The following ZNF730 variants were observed in gnomAD, a reference collection of about 807,000 sequenced individuals.
ZNF730 encodes putative zinc finger protein 730.
Under a neutral mutation model 12.6 loss-of-function variants are expected in ZNF730, and 12 were observed. The ratio of observed to expected loss-of-function variants is 0.95; its 90% CI spans 0.61 to 1.54. The LOEUF is 1.54. ZNF730 is among the 40% of genes most tolerant of loss of function. The probability of loss-of-function intolerance (pLI) is 0.00; values close to 1 mark genes in which losing one functional copy is unlikely to be tolerated. For missense variants in ZNF730, 643 were observed against 583.5 expected (o/e 1.10, Z -1.05); for synonymous variants, 194 against 195.8 (o/e 0.99, Z 0.08).
chr19:23,102,015 ATAT>A (rs1970341046), intron 1 of ZNF730, among the ~76,000 whole-genome samples: 1 of 152,238 alleles, frequency 6.6e-6, no homozygotes, highest in Admixed American at 6.5e-5. Flanking sequence ...ATGTTAGGAC[ATAT>A]TATGAGGCCC....
chr19:23,092,511 C>T (rs1343906681), intron 1 of ZNF730, among the ~76,000 whole-genome samples: 1 of 152,118 alleles, frequency 6.6e-6, no homozygotes, highest in Non-Finnish European at 1.5e-5. Context: ...ATCACTTGAA[C>T]CCAGGAGGCA....
intron 1 of ZNF730, among the ~76,000 whole-genome samples, chr19:23,111,341 A>T (rs925228886): frequency 1.2e-4 from 19 of 152,308 alleles, no homozygotes; most frequent in African/African-American, 4.3e-4. Context: ...AAGTTTTCTC[A>T]TGCAAGAGGG....
At chr19:23,101,528 G>A (rs1349721500) in intron 1 of ZNF730, among the ~76,000 whole-genome samples, 3 of 152,200 alleles carry the variant, frequency 2.0e-5, no homozygotes, top group Non-Finnish European at 4.4e-5. Flanking sequence ...CTGCAGGTGT[G>A]ATTGTATGCA....
chr19:23,118,378 T>TTG (rs1970559611), intron 1 of ZNF730, among the ~76,000 whole-genome samples: 1 of 151,750 alleles, frequency 6.6e-6, no homozygotes, highest in South Asian at 2.1e-4. Flanking sequence ...TTTTTTTTTT[T>TTG]GTTTTTTTAA....
intron 3 of ZNF730, chr19:23,144,035 C>A (rs1001721523): frequency 3.3e-5 from 5 of 151,240 alleles, no homozygotes; most frequent in African/African-American, 1.2e-4. Flanking sequence ...TTAATTTTTT[C>A]AATATTTTTG....
chr19:23,081,987 T>C (rs1969973724), intron 1 of ZNF730, among the ~76,000 whole-genome samples: 1 of 152,176 alleles, frequency 6.6e-6, no homozygotes, highest in Admixed American at 6.5e-5. Context: ...TTCAAGTAAT[T>C]CTCTTGTCTC....
At chr19:23,133,769 T>C (rs1319125519) in intron 1 of ZNF730, among the ~76,000 whole-genome samples, 1 of 152,262 alleles carries the variant, frequency 6.6e-6, no homozygotes, top group Non-Finnish European at 1.5e-5. Context: ...CTGAAAAGTT[T>C]ACACAACTCT....
intron 1 of ZNF730, among the ~76,000 whole-genome samples, chr19:23,090,029 C>T (rs549042455): frequency 1.3e-5 from 2 of 152,188 alleles, no homozygotes; most frequent in East Asian, 1.9e-4. Context: ...GGGCAGACCA[C>T]GAGGTCAAGA....
chr19:23,096,674 T>C (rs1022211001), intron 1 of ZNF730, among the ~76,000 whole-genome samples: 1 of 152,192 alleles, frequency 6.6e-6, no homozygotes, highest in African/African-American at 2.4e-5. Flanking sequence ...ATTTAGGTGA[T>C]GTGACCCTTT....
chr19:23,117,008 T>C, upstream of ZNF730: 4 of 1,104,676 alleles, frequency 3.6e-6, no homozygotes, highest in South Asian at 6.6e-5. Context: ...ACAGGGCGGC[T>C]TCCGGGATTT....
At chr19:23,093,011 A>G (rs992752249) in intron 1 of ZNF730, among the ~76,000 whole-genome samples, 2 of 151,796 alleles carry the variant, frequency 1.3e-5, no homozygotes, top group Non-Finnish European at 1.5e-5. Context: ...TTTTTTTGAG[A>G]CAAAACAAAA....
At position 23,146,171 on chromosome 19, in the gene ZNF730, C is replaced by T. The variant is rs529259591; in HGVS notation, c.1127C>T (p.Ala376Val). Residue 376 changes from alanine (A) to valine (V), a missense_variant, in exon 4 of 4, where the codon GCT becomes GTT. By Grantham distance (64) the Ala-to-Val change is moderately conservative. Coordinates refer to ENST00000597761, the MANE Select transcript of ZNF730 (RefSeq NM_001277403.2). ...KPYKYKECGKAFNQSSTLTIH... is the reference protein window; with the variant it reads ...KPYKYKECGKVFNQSSTLTIH... The stretch of plus-strand genomic sequence containing the variant: ...TACAAATATAAAGAATGTGGTAAAG[C>T]TTTTAACCAATCCTCAACTCTTACT... 13 of 1,607,944 alleles carry T rather than the reference C, an allele frequency of 8.1e-6. No homozygotes were observed. In the South Asian group the frequency reaches 1.3e-4, roughly 16 times the overall value.
intron 1 of ZNF730, among the ~76,000 whole-genome samples, chr19:23,107,462 A>C (rs1338619077): frequency 2.7e-5 from 4 of 147,110 alleles, no homozygotes; most frequent in Non-Finnish European, 6.0e-5. Flanking sequence ...AAAAAAAAAA[A>C]AAAAAAAAAA....
chr19:23,097,281 C>A (rs1970268213), intron 1 of ZNF730, among the ~76,000 whole-genome samples: 1 of 152,140 alleles, frequency 6.6e-6, no homozygotes. Context: ...ATGTGCTTCT[C>A]CTGCCTGGAC....
chr19:23,105,893 T>G (rs1330366668), intron 1 of ZNF730, among the ~76,000 whole-genome samples: 1 of 152,208 alleles, frequency 6.6e-6, no homozygotes. Context: ...TACGCCACAG[T>G]ATGCATGAGT....
chr19:23,083,477 G>A (rs1222574226), intron 1 of ZNF730, among the ~76,000 whole-genome samples: 3 of 152,000 alleles, frequency 2.0e-5, no homozygotes, highest in African/African-American at 7.2e-5. Context: ...TCATATAGTA[G>A]CTCTATTTTT....
chr19:23,106,378 C>A (rs1348917286), intron 1 of ZNF730, among the ~76,000 whole-genome samples: 1 of 152,016 alleles, frequency 6.6e-6, no homozygotes, highest in African/African-American at 2.4e-5. Context: ...ATAAATTTTC[C>A]TCTGCAAAAC....
At chr19:23,092,611 T>G (rs1970176649) in intron 1 of ZNF730, among the ~76,000 whole-genome samples, 2 of 151,896 alleles carry the variant, frequency 1.3e-5, no homozygotes, top group Non-Finnish European at 2.9e-5. Flanking sequence ...AAAAAACAGA[T>G]GGGGTTTCAC....
intron 3 of ZNF730, among the ~76,000 whole-genome samples, chr19:23,141,846 T>C (rs1970925543): frequency 6.6e-6 from 1 of 151,316 alleles, no homozygotes; most frequent in East Asian, 1.9e-4. Context: ...CTCTATACCT[T>C]TGTTAGGAAT....
Sources: allele counts gnomAD v4.1 joint callset (sites outside exome capture counted in the v4.1 genomes callset), GRCh38; gene constraint gnomAD v4.1.1; transcripts MANE v1.5; gene names NCBI Gene and HGNC (gene_info 2026-07-23, HGNC 2026-07-21).